Variants in SAMMSON observed in about 807,000 individuals in gnomAD.
The protein encoded by SAMMSON is survival associated mitochondrial melanoma specific oncogenic non-coding RNA, also known as long intergenic non-protein coding RNA 1212.
At chr3:70,293,958 A>G (rs557265254) in intron 7 of SAMMSON, among the ~76,000 whole-genome samples, 1 of 152,080 alleles carries the variant, frequency 6.6e-6, no homozygotes, top group Non-Finnish European at 1.5e-5. Context: ...CAGAGGGAGC[A>G]TACAAGCAGA....
intron 4 of SAMMSON, among the ~76,000 whole-genome samples, chr3:70,223,088 C>T (rs1701474681): frequency 1.3e-5 from 2 of 152,256 alleles, no homozygotes; most frequent in East Asian, 3.9e-4. Flanking sequence ...GAAAATGTGG[C>T]AAGTCTTATG....
At chr3:70,363,357 G>A (rs939493243) in intron 9 of SAMMSON, among the ~76,000 whole-genome samples, 1 of 151,914 alleles carries the variant, frequency 6.6e-6, no homozygotes, top group Admixed American at 6.6e-5. Flanking sequence ...GAAAGAAGAG[G>A]CATCCAAATG....
At chr3:70,310,617 C>T (rs1463370370) in intron 7 of SAMMSON, among the ~76,000 whole-genome samples, 4 of 152,004 alleles carry the variant, frequency 2.6e-5, no homozygotes, top group African/African-American at 7.2e-5. Context: ...CCACCCGCCT[C>T]GGCCTCCCAA....
intron 6 of SAMMSON, among the ~76,000 whole-genome samples, chr3:70,252,971 T>G (rs1701783542): frequency 6.6e-6 from 1 of 151,804 alleles, no homozygotes; most frequent in Non-Finnish European, 1.5e-5. Flanking sequence ...TTCCAGCTAC[T>G]AGGGAGGCTG....
chr3:70,230,695 G>A (rs1701550701), intron 4 of SAMMSON, among the ~76,000 whole-genome samples: 1 of 152,130 alleles, frequency 6.6e-6, no homozygotes, highest in Non-Finnish European at 1.5e-5. Flanking sequence ...GGTTTCTTTG[G>A]TGGATTCCTC....
intron 2 of SAMMSON, among the ~76,000 whole-genome samples, chr3:70,420,987 T>C (rs1467022863): frequency 3.3e-5 from 5 of 152,158 alleles, no homozygotes; most frequent in African/African-American, 1.2e-4. Flanking sequence ...GTCTAAATTA[T>C]GAAAAGTGTT....
intron 4 of SAMMSON, among the ~76,000 whole-genome samples, chr3:70,174,760 AT>A (rs35655379): frequency 0.56 from 83,405 of 150,122 alleles, 24,135 homozygotes; most frequent in Non-Finnish European, 0.63. Context: ...AAGGTCTAAG[AT>A]TTTTTTTTTT....
chr3:70,360,727 G>C (rs745566896), intron 9 of SAMMSON, among the ~76,000 whole-genome samples: 1 of 152,090 alleles, frequency 6.6e-6, no homozygotes, highest in Non-Finnish European at 1.5e-5. Flanking sequence ...CTCAGAGTAA[G>C]TTATGATAAA....
chr3:70,300,028 A>G (rs1248635153), intron 7 of SAMMSON, among the ~76,000 whole-genome samples: 1 of 152,040 alleles, frequency 6.6e-6, no homozygotes, highest in Non-Finnish European at 1.5e-5. Flanking sequence ...ATCAGTTTGT[A>G]TTGTTACTGC....
chr3:70,183,591 T>C (rs1701070344), intron 4 of SAMMSON: 1 of 152,176 alleles, frequency 6.6e-6, no homozygotes, highest in Admixed American at 6.5e-5. Flanking sequence ...AATTTGGAAG[T>C]TATAGGTTTT....
At chr3:70,044,448 G>T (rs2067116656) in intron 3 of SAMMSON, among the ~76,000 whole-genome samples, 1 of 151,972 alleles carries the variant, frequency 6.6e-6, no homozygotes, top group African/African-American at 2.4e-5. Context: ...TATGTACCTA[G>T]GTAATGTTAG....
rs185972036 is a variant in SAMMSON at position 70,224,508 on chromosome 3, T to C, written n.508-24599T>C. Among the ~76,000 whole-genome samples, 5 of 152,314 alleles carry C rather than the reference T, an allele frequency of 3.3e-5. No homozygotes were observed. The East Asian group carries it at 9.7e-4, about 29-fold the overall frequency. On this transcript the variant is annotated intron_variant and non_coding_transcript_variant, in intron 4 of 9. Coordinates refer to ENST00000642114, the Ensembl canonical transcript of SAMMSON. Reference sequence around the variant, plus strand: ...GGCAGCACTTAATGAGTGTGTTCTCTGAAGATAGGAAAGCACCCTGCAGAG... The same window carrying C: ...GGCAGCACTTAATGAGTGTGTTCTCCGAAGATAGGAAAGCACCCTGCAGAG...
intron 7 of SAMMSON, among the ~76,000 whole-genome samples, chr3:70,326,313 GC>G (rs1365622523): frequency 1.3e-5 from 2 of 152,134 alleles, no homozygotes; most frequent in African/African-American, 4.8e-5. Context: ...GATTTTGGGG[GC>G]AAGTTATTCA....
intron 4 of SAMMSON, among the ~76,000 whole-genome samples, chr3:70,224,348 A>G (rs1361035226): frequency 6.6e-6 from 1 of 152,184 alleles, no homozygotes; most frequent in Admixed American, 6.5e-5. Context: ...GCTGCAGCGG[A>G]TGGTGCAAAC....
At chr3:70,182,447 G>C (rs1040402325) in intron 4 of SAMMSON, among the ~76,000 whole-genome samples, 1 of 151,848 alleles carries the variant, frequency 6.6e-6, no homozygotes, top group East Asian at 2.0e-4. Context: ...TGTGTTTTAT[G>C]GGGGGAGAGT....
intron 2 of SAMMSON, among the ~76,000 whole-genome samples, chr3:70,423,591 G>A (rs1484225089): frequency 6.9e-6 from 1 of 145,636 alleles, no homozygotes; most frequent in East Asian, 2.1e-4. Context: ...AAAACAGTCA[G>A]GCAATCAGTG....
At chr3:70,083,223 T>G (rs2067272825) in intron 4 of SAMMSON, among the ~76,000 whole-genome samples, 1 of 152,168 alleles carries the variant, frequency 6.6e-6, no homozygotes, top group South Asian at 2.1e-4. Context: ...TTGAAAGGAT[T>G]GTATCGCTTG....
chr3:70,287,664 T>A (rs1362647056), intron 6 of SAMMSON, among the ~76,000 whole-genome samples: 5 of 152,126 alleles, frequency 3.3e-5, no homozygotes, highest in Non-Finnish European at 5.9e-5. Flanking sequence ...TCTGGTAGAA[T>A]TTGGCTGTGA....
At chr3:70,402,114 G>C (rs1483841560) in intron 2 of SAMMSON, among the ~76,000 whole-genome samples, 1 of 152,164 alleles carries the variant, frequency 6.6e-6, no homozygotes, top group East Asian at 1.9e-4. Flanking sequence ...CTGTTCTGTA[G>C]AGTTAAAATG....
Sources: allele counts gnomAD v4.1 joint callset (sites outside exome capture counted in the v4.1 genomes callset), GRCh38; gene constraint gnomAD v4.1.1; transcripts MANE v1.5; gene names NCBI Gene and HGNC (gene_info 2026-07-23, HGNC 2026-07-21).